FAM13B: variants seen among roughly 807,000 people sequenced by gnomAD.
The protein encoded by FAM13B is family with sequence similarity 13 member B, also known as protein FAM13B.
A neutral mutation model predicts 117.3 loss-of-function variants in FAM13B; 60 were observed. That is an observed-to-expected ratio of 0.51 (90% CI 0.42 to 0.63). The LOEUF is 0.63. FAM13B is among the 30% of genes least tolerant of loss of function. The pLI, the probability that FAM13B is intolerant of heterozygous loss-of-function variation, is 0.00. For missense variants in FAM13B, 972 were observed against 1,091.9 expected (o/e 0.89, Z 1.55); for synonymous variants, 332 against 356.1 (o/e 0.93, Z 0.76).
chr5:137,997,455 G>A (rs573403419), intron 7 of FAM13B, among the ~76,000 whole-genome samples: 1 of 151,256 alleles, frequency 6.6e-6, no homozygotes, highest in African/African-American at 2.4e-5. Context: ...GACAACAAGA[G>A]CGAAACTCCA....
intron 23 of FAM13B, among the ~76,000 whole-genome samples, chr5:137,940,779 G>A (rs904020337): frequency 6.6e-6 from 1 of 152,160 alleles, no homozygotes; most frequent in Admixed American, 6.5e-5. Flanking sequence ...TAACTTTATA[G>A]TAATGACCCA....
At chr5:137,985,436 T>C (rs1159433382) in intron 9 of FAM13B, 47 bp from the exon 10 acceptor site, 39 of 1,565,562 alleles carry the variant, frequency 2.5e-5, no homozygotes, top group Non-Finnish European at 2.6e-5. Flanking sequence ...GTTGAGTGTG[T>C]AATGCCTTTA....
At chr5:137,995,102 A>C (rs1779544517) in intron 7 of FAM13B, among the ~76,000 whole-genome samples, 1 of 152,214 alleles carries the variant, frequency 6.6e-6, no homozygotes, top group African/African-American at 2.4e-5. Flanking sequence ...AAAGCACAGT[A>C]AAGGAAGGTG....
At chr5:138,021,849 G>A (rs1786817050) in intron 1 of FAM13B, among the ~76,000 whole-genome samples, 1 of 152,138 alleles carries the variant, frequency 6.6e-6, no homozygotes, top group Admixed American at 6.6e-5. Context: ...AGGTGCATTG[G>A]CTCATGGCTA....
At chr5:137,987,366 CAAGA>C (rs1192918150) in intron 9 of FAM13B, 91 bp downstream of exon 9, 2 of 1,161,958 alleles carry the variant, frequency 1.7e-6, no homozygotes, top group East Asian at 2.6e-5. Context: ...CAGAAATCTC[CAAGA>C]AAGATGAGAT....
At chr5:137,996,884 A>C (rs62381758) in intron 7 of FAM13B, among the ~76,000 whole-genome samples, 149,353 of 152,310 alleles carry the variant, frequency 0.98, 73,297 homozygotes, top group Middle Eastern at 1. Flanking sequence ...TGAGCCACTG[A>C]GCCCAGCCCA....
chr5:137,971,258 T>C (rs1241867608), intron 10 of FAM13B, among the ~76,000 whole-genome samples: 1 of 150,974 alleles, frequency 6.6e-6, no homozygotes, highest in East Asian at 1.9e-4. Context: ...TATAACAAAC[T>C]ATCTCTCAGA....
intron 1 of FAM13B, among the ~76,000 whole-genome samples, chr5:138,050,063 A>G (rs999558493): frequency 6.6e-6 from 1 of 151,974 alleles, no homozygotes; most frequent in African/African-American, 2.4e-5. Flanking sequence ...GCTTGAGTCC[A>G]CAAGTTCAAG....
chr5:137,955,172 CCTCA>C lies in FAM13B; in HGVS notation c.1508-800_1508-797del, dbSNP rs199817849. Among the ~76,000 whole-genome samples, 940 of 152,070 alleles carry C rather than the reference CCTCA, an allele frequency of 6.2e-3. 11 individuals are homozygous for C. Among genetic ancestry groups the C allele is most frequent in the African/African-American group, 0.022 (906 of 41,470 alleles). On this transcript the variant is annotated intron_variant, in intron 14 of 23. Transcript: ENST00000689681. ...AATGATGTCAGGTGTATGACCTGTC[CCTCA>C]CTGTCAAATAGCTATATTAAGAAAA...
chr5:137,954,486 T>TCATATATA (rs1765886374), intron 14 of FAM13B, 110 bp from the exon 15 acceptor site: 1 of 678,410 alleles, frequency 1.5e-6, no homozygotes. Flanking sequence ...ATGTAGTGGT[T>TCATATATA]CATATATACA....
chr5:137,984,214 A>G (rs559099620), intron 10 of FAM13B, among the ~76,000 whole-genome samples: 1 of 152,246 alleles, frequency 6.6e-6, no homozygotes, highest in South Asian at 2.1e-4. Context: ...TTTTCAGCTT[A>G]TTATTTTCAG....
intron 7 of FAM13B, among the ~76,000 whole-genome samples, chr5:137,990,013 G>T (rs1028595247): frequency 4.6e-5 from 7 of 152,052 alleles, no homozygotes; most frequent in Non-Finnish European, 8.8e-5. Flanking sequence ...AAAACAAAAA[G>T]TAAAAAGATA....
Position 138,009,445 on chromosome 5 carries a change from G to A in FAM13B, c.690+1563C>T, listed in dbSNP as rs141967348. On this transcript the variant is annotated intron_variant, in intron 6 of 23. Coordinates refer to ENST00000689681, the MANE Select transcript of FAM13B (RefSeq NM_001385994.1). ...ATTAACTAGTGAAAGTTGAGAGGAT[G>A]TACTTAATATCCATCTGGTAATCTA... Among the ~76,000 whole-genome samples, 534 of 151,736 alleles carry A rather than the reference G, an allele frequency of 3.5e-3. 4 individuals are homozygous for A. The highest frequency in any genetic ancestry group is 0.012 in the African/African-American group (512 of 41,316).
upstream of FAM13B, among the ~76,000 whole-genome samples, chr5:138,035,257 C>A (rs576801306): frequency 6.6e-6 from 1 of 151,730 alleles, no homozygotes; most frequent in East Asian, 1.9e-4. Flanking sequence ...GTGATCCTCC[C>A]ACCTCAGCCT....
At chr5:137,972,072 A>C (rs1276922007) in intron 10 of FAM13B, among the ~76,000 whole-genome samples, 3 of 150,178 alleles carry the variant, frequency 2.0e-5, no homozygotes, top group Non-Finnish European at 4.5e-5. Context: ...AAACTATTCC[A>C]ATCAACAGAA....
In FAM13B at chr5:137,943,193, C is replaced by G; in HGVS notation, c.2364G>C (p.Arg788Ser). Reference protein sequence around the residue: ...PVLGSPSTKRRGQMLQPIIEG... With the variant: ...PVLGSPSTKRSGQMLQPIIEG... Reference sequence around the variant, plus strand: ...CTATGATTGGCTGTAACATCTGACCCCTTCGCTTGGTGGATGGAGATCCCT... The same window carrying G: ...CTATGATTGGCTGTAACATCTGACCGCTTCGCTTGGTGGATGGAGATCCCT... Residue 788 changes from arginine (R) to serine (S), a missense_variant, in exon 21 of 24, where the codon AGG becomes AGC. By Grantham distance (110) the Arg-to-Ser change is moderately radical. Transcript: ENST00000689681. 6.2e-7 allele frequency: 1 copy of G among 1,613,904 alleles called. No individual in the cohort carries two copies. The highest frequency in any genetic ancestry group is 8.5e-7 in the Non-Finnish European group (1 of 1,179,916).
chr5:138,041,077 A>AAAAAG (rs1335450818), intron 1 of FAM13B, among the ~76,000 whole-genome samples: 2 of 151,730 alleles, frequency 1.3e-5, no homozygotes, highest in Non-Finnish European at 1.5e-5. Flanking sequence ...AAAAAAAAAA[A>AAAAAG]AAAAGAAAAG....
At chr5:138,050,229 G>T (rs1240342380) in intron 1 of FAM13B, among the ~76,000 whole-genome samples, 1 of 152,006 alleles carries the variant, frequency 6.6e-6, no homozygotes, top group Non-Finnish European at 1.5e-5. Flanking sequence ...CCTGAGATGG[G>T]GAGTTCAAGA....
rs1226979837 is a variant in FAM13B at position 137,939,735 on chromosome 5, G to A, written c.*490C>T. 1 of 497,406 alleles carries A rather than the reference G, an allele frequency of 2.0e-6. No homozygotes were observed. Among genetic ancestry groups the A allele is most frequent in the African/African-American group, 2.1e-5 (1 of 48,242 alleles). The allele number at this position is 497,406 out of a possible 1,614,324, so 30.8% of individuals were successfully genotyped here. ...ATCTCAGTTTGATTTTGGTTTTCTAGGAAAACAGAGAACACAGTTGCGTAT... is the reference window on the plus strand; with the variant it reads ...ATCTCAGTTTGATTTTGGTTTTCTAAGAAAACAGAGAACACAGTTGCGTAT... On this transcript the variant is annotated 3_prime_UTR_variant, in exon 24 of 24. Transcript: ENST00000689681.
Sources: allele counts gnomAD v4.1 joint callset (sites outside exome capture counted in the v4.1 genomes callset), GRCh38; gene constraint gnomAD v4.1.1; transcripts MANE v1.5; gene names NCBI Gene and HGNC (gene_info 2026-07-23, HGNC 2026-07-21).